The following KAT7 variants were observed in gnomAD, a reference collection of about 807,000 sequenced individuals.
KAT7 encodes the protein lysine acetyltransferase 7.
Under a neutral mutation model 82.1 loss-of-function variants are expected in KAT7, and 10 were observed. The observed-to-expected ratio is 0.12, with a 90% CI of 0.08 to 0.21. The LOEUF (loss-of-function observed/expected upper bound fraction) is 0.21. Among genes scored for constraint, KAT7 ranks in the 10% least tolerant of loss-of-function variants. The pLI is 1.00. For synonymous variants in KAT7, 250 were observed against 262.5 expected, an observed-to-expected ratio of 0.95 and a Z score of 0.46; for missense variants, 378 against 760.9, an observed-to-expected ratio of 0.50 and a Z score of 5.92.
At chr17:49,804,385 A>AT (rs1488345285) in intron 4 of KAT7, among the ~76,000 whole-genome samples, 1 of 152,168 alleles carries the variant, frequency 6.6e-6, no homozygotes, top group Non-Finnish European at 1.5e-5. Flanking sequence ...TCTCAAAAAA[A>AT]AAAAAAAGAA....
intron 9 of KAT7, 32 bp downstream of exon 9, chr17:49,818,043 A>G (rs1214401650): frequency 6.4e-7 from 1 of 1,560,852 alleles, no homozygotes; most frequent in Non-Finnish European, 8.8e-7. Context: ...TGCCTTGACC[A>G]TGATGGCAAT....
At chr17:49,803,135 A>C (rs1383392510) in intron 4 of KAT7, among the ~76,000 whole-genome samples, 1 of 151,338 alleles carries the variant, frequency 6.6e-6, no homozygotes, top group Non-Finnish European at 1.5e-5. Context: ...CTGAGACGGA[A>C]TCTTGCTCTG....
At chr17:49,795,908 T>G (rs2073949853) in intron 2 of KAT7, among the ~76,000 whole-genome samples, 1 of 152,138 alleles carries the variant, frequency 6.6e-6, no homozygotes, top group Non-Finnish European at 1.5e-5. Context: ...TATATACTCC[T>G]GGATTATAGA....
rs2074396998 is a variant in KAT7 at position 49,828,736 on chromosome 17, CCTG to C, written c.*1237_*1239del. 1 of 153,088 alleles carries C rather than the reference CCTG, an allele frequency of 6.5e-6. No homozygotes were observed. The highest frequency in any genetic ancestry group is 1.5e-5 in the Non-Finnish European group (1 of 68,054). 9.5% of individuals were successfully genotyped at this position (153,088 alleles called of 1,614,324 possible). On this transcript the variant is annotated 3_prime_UTR_variant, in exon 15 of 15. Coordinates refer to ENST00000259021, the MANE Select transcript of KAT7 (RefSeq NM_007067.5). ...CTAATTTCTCTCTAGCCCATTATAA[CCTG>C]CTATCTTGGGGCAACTTTTGATGTA...
chr17:49,826,384 TC>T, intron 13 of KAT7: 1 of 511,640 alleles, frequency 2.0e-6, no homozygotes, highest in Non-Finnish European at 3.5e-6. Flanking sequence ...AAGCAAAACT[TC>T]AGATCGTTTG....
At chr17:49,790,846 G>A (rs1446066050) in intron 1 of KAT7, among the ~76,000 whole-genome samples, 1 of 152,142 alleles carries the variant, frequency 6.6e-6, no homozygotes, top group African/African-American at 2.4e-5. Flanking sequence ...AAATAATTGG[G>A]ACTTACAGTG....
intron 9 of KAT7, among the ~76,000 whole-genome samples, chr17:49,818,930 G>A (rs1324944160): frequency 6.6e-6 from 1 of 152,032 alleles, no homozygotes; most frequent in Admixed American, 6.6e-5. Flanking sequence ...GTAGAGACAG[G>A]GTTTCACCAT....
rs928192113 is a variant in KAT7, at chr17:49,827,876, T to C, written c.*374T>C. The C allele has an allele frequency of 5.5e-6, 1 of 182,356 alleles. No homozygotes were observed. Among genetic ancestry groups the C allele is most frequent in the African/African-American group, 2.3e-5 (1 of 42,816 alleles). 11.3% of individuals were successfully genotyped at this position (182,356 alleles called of 1,614,324 possible). ...CGTGGTACTAGTGCTTGCCACCTGG[T>C]CACCAGACCTCCAAATATGGCTGCC... On this transcript the variant is annotated 3_prime_UTR_variant, in exon 15 of 15. Transcript: ENST00000259021.
chr17:49,811,183 T>G (rs1323277234), intron 6 of KAT7, among the ~76,000 whole-genome samples: 1 of 151,144 alleles, frequency 6.6e-6, no homozygotes, highest in East Asian at 2.0e-4. Context: ...ACTGGCTCAC[T>G]GCAACCTCTG....
At chr17:49,798,167 T>G in intron 3 of KAT7, 152 bp from the exon 4 acceptor site, 1 of 668,800 alleles carries the variant, frequency 1.5e-6, no homozygotes, top group Non-Finnish European at 2.5e-6. Flanking sequence ...GAAGTGCCTC[T>G]TCATTTTCCA....
intron 3 of KAT7, among the ~76,000 whole-genome samples, chr17:49,797,484 T>C (rs555347576): frequency 6.6e-6 from 1 of 152,300 alleles, no homozygotes; most frequent in African/African-American, 2.4e-5. Flanking sequence ...CTTAACCACA[T>C]TTGAAAAGGG....
chr17:49,795,016 T>A (rs1321059233), intron 2 of KAT7, among the ~76,000 whole-genome samples: 1 of 152,116 alleles, frequency 6.6e-6, no homozygotes, highest in Non-Finnish European at 1.5e-5. Context: ...AGATTTTTTT[T>A]TTTTTTAAAT....
rs1452428863 is a variant in KAT7, at chr17:49,811,502, T to C, written c.780T>C (p.Tyr260=). 2.6e-6 allele frequency: 4 copies of C among 1,548,326 alleles called. No homozygotes were observed. Among genetic ancestry groups the C allele is most frequent in the Non-Finnish European group, 2.6e-6 (3 of 1,144,698 alleles). ...HQAPTERQLR[Y]KEKVAELRKK... is the part of the protein sequence containing the mutation. ...CACCAACGGAGAGACAGCTTCGATA[T>C]AAGGAAAAAGTGGCTGAACTCAGGA... Residue 260 remains tyrosine, a synonymous_variant, in exon 7 of 15, where the codon TAT becomes TAC. Transcript: ENST00000259021.
chr17:49,818,490 T>G (rs2074260864), intron 9 of KAT7, among the ~76,000 whole-genome samples: 1 of 152,212 alleles, frequency 6.6e-6, no homozygotes, highest in Admixed American at 6.5e-5. Flanking sequence ...TGTGACAGAT[T>G]ATGAAAGTAG....
At chr17:49,819,917 T>A (rs2074280895) in intron 9 of KAT7, among the ~76,000 whole-genome samples, 1 of 152,374 alleles carries the variant, frequency 6.6e-6, no homozygotes, top group South Asian at 2.1e-4. Flanking sequence ...TGGAACATGC[T>A]TCTTGAGTTG....
chr17:49,788,740 C>G lies in KAT7; in HGVS notation c.-95C>G. The G allele has an allele frequency of 7.2e-7, 1 of 1,389,300 alleles. No homozygotes were observed. Among genetic ancestry groups the G allele is most frequent in the South Asian group, 1.3e-5 (1 of 78,312 alleles). 86.1% of individuals were successfully genotyped at this position (1,389,300 alleles called of 1,614,324 possible). On this transcript the variant is annotated 5_prime_UTR_variant, in exon 1 of 15. Coordinates refer to ENST00000259021, the MANE Select transcript of KAT7 (RefSeq NM_007067.5). The stretch of plus-strand genomic sequence containing the variant: ...CTAGGGATCGTCCGCAGGATTGGGA[C>G]TGATACAGAGGCCGCCACGGAGCCC...
chr17:49,796,761 G>T lies in KAT7; in HGVS notation c.175G>T (p.Val59Phe). ...LSQSSQDSSP[V>F]RNLQSFGTEE... is the part of the protein sequence containing the mutation. Reference sequence around the variant, plus strand: ...AAAATTGGGATCAGATTCCAGTCCTGTTCGAAATCTGCAGTCTTTTGGCAC... The same window carrying T: ...AAAATTGGGATCAGATTCCAGTCCTTTTCGAAATCTGCAGTCTTTTGGCAC... The change falls in exon 3 of 15, where the codon GTT becomes TTT. Residue 59 changes from valine to phenylalanine, a missense_variant. Val to Phe is a conservative substitution (Grantham distance 50, BLOSUM62 -1). Coordinates refer to ENST00000259021, the MANE Select transcript of KAT7 (RefSeq NM_007067.5). 6.2e-7 allele frequency: 1 copy of T among 1,605,456 alleles called. No homozygotes were observed. Among genetic ancestry groups the T allele is most frequent in the Non-Finnish European group, 8.5e-7 (1 of 1,174,922 alleles).
intron 7 of KAT7, among the ~76,000 whole-genome samples, chr17:49,813,379 T>C (rs1053398561): frequency 5.9e-5 from 9 of 152,332 alleles, no homozygotes; most frequent in Admixed American, 3.9e-4. Flanking sequence ...GGCTGCTCTT[T>C]TAGATTTTTT....
intron 7 of KAT7, among the ~76,000 whole-genome samples, chr17:49,812,504 C>T (rs2074180312): frequency 6.6e-6 from 1 of 151,866 alleles, no homozygotes; most frequent in African/African-American, 2.4e-5. Flanking sequence ...GGATTACAGG[C>T]GTGAGCCACC....
Sources: allele counts gnomAD v4.1 joint callset (sites outside exome capture counted in the v4.1 genomes callset), GRCh38; gene constraint gnomAD v4.1.1; transcripts MANE v1.5; gene names NCBI Gene and HGNC (gene_info 2026-07-23, HGNC 2026-07-21).